Variants in NMT1 observed in about 807,000 individuals in gnomAD.
NMT1 encodes N-myristoyltransferase 1.
Under a neutral mutation model 63.4 loss-of-function variants are expected in NMT1, and 12 were observed. The observed-to-expected ratio is 0.19, with a 90% CI of 0.12 to 0.31. The LOEUF (loss-of-function observed/expected upper bound fraction) is 0.31, where lower values mean the gene tolerates loss of function less well. Among genes scored for constraint, NMT1 ranks in the 10% least tolerant of loss-of-function variants. NMT1 has a pLI of 1.00. For missense variants in NMT1, 432 were observed against 634.6 expected (o/e 0.68, Z 3.43); for synonymous variants, 228 against 234.3 (o/e 0.97, Z 0.25).
intron 2 of NMT1, 66 bp downstream of exon 2, chr17:45,081,818 T>C (rs2054018921): frequency 1.6e-6 from 2 of 1,226,390 alleles, no homozygotes; most frequent in Non-Finnish European, 2.3e-6. Flanking sequence ...TTGAGGTGAA[T>C]GTATAGGATC....
rs1178137038 is a variant in NMT1 at position 45,093,810 on chromosome 17, G to A, written c.504+7G>A. 6.2e-7 allele frequency: 1 copy of A among 1,611,182 alleles called. No individual in the cohort carries two copies. The highest frequency in any genetic ancestry group is 1.7e-5 in the Admixed American group (1 of 60,012). The stretch of plus-strand genomic sequence containing the variant: ...CCTGGGCGATCGTGGTGTGGTGAGT[G>A]GGCCCTCAGAAGGTTACACCTGCGG... On this transcript the variant is annotated splice_region_variant and intron_variant, in intron 4 of 11. Coordinates refer to ENST00000258960, the MANE Select transcript of NMT1 (RefSeq NM_021079.5).
At chr17:45,080,403 G>A (rs866175897) in intron 1 of NMT1, among the ~76,000 whole-genome samples, 2 of 149,986 alleles carry the variant, frequency 1.3e-5, no homozygotes, top group Non-Finnish European at 2.9e-5. Context: ...CAGGTGATCC[G>A]CCTGCCTTGG....
At position 45,061,534 on chromosome 17, in the gene NMT1, C is replaced by G. The variant is rs939101065; in HGVS notation, c.131+74C>G. ...GGTCTCTGGGGTGCGGGGAAGTCAC[C>G]GGGAGCTTAGTCTAGCCCCACCCTC... On this transcript the variant is annotated intron_variant, in intron 1 of 11. Coordinates refer to ENST00000258960, the MANE Select transcript of NMT1 (RefSeq NM_021079.5). 6 of 1,405,724 alleles carry G rather than the reference C, an allele frequency of 4.3e-6. No homozygotes were observed. In the Admixed American group the frequency reaches 6.2e-5, roughly 15 times the overall value. 87.1% of individuals were successfully genotyped at this position (1,405,724 alleles called of 1,614,324 possible).
intron 1 of NMT1, among the ~76,000 whole-genome samples, chr17:45,073,164 C>T (rs1246266277): frequency 5.9e-5 from 9 of 151,934 alleles, no homozygotes; most frequent in African/African-American, 1.9e-4. Flanking sequence ...GGCTCACACC[C>T]GTAATCCCAG....
intron 8 of NMT1, among the ~76,000 whole-genome samples, chr17:45,101,617 C>CA (rs748973404): frequency 0.21 from 11,054 of 52,292 alleles, 804 homozygotes; most frequent in African/African-American, 0.26. Context: ...GACTCCGTCG[C>CA]AAAAAAAAAA....
chr17:45,091,320 C>G (rs1375976559), intron 3 of NMT1, among the ~76,000 whole-genome samples: 1 of 151,758 alleles, frequency 6.6e-6, no homozygotes, highest in Non-Finnish European at 1.5e-5. Context: ...TCTTTGGTGT[C>G]CATGATGGTG....
chr17:45,069,267 TTTTTTA>T (rs1453660008), intron 1 of NMT1, among the ~76,000 whole-genome samples: 1 of 137,010 alleles, frequency 7.3e-6, no homozygotes, highest in Non-Finnish European at 1.6e-5. Flanking sequence ...CCAGACTTTA[TTTTTTA>T]TTATTTATTT....
chr17:45,093,860 C>T, intron 4 of NMT1, 57 bp downstream of exon 4: 2 of 1,372,458 alleles, frequency 1.5e-6, no homozygotes, highest in South Asian at 2.3e-5. Context: ...CACAGTAAGC[C>T]CTGCAGTCTC....
intron 4 of NMT1, among the ~76,000 whole-genome samples, chr17:45,095,976 G>T (rs935167850): frequency 2.6e-5 from 4 of 152,096 alleles, no homozygotes; most frequent in African/African-American, 4.8e-5. Context: ...TGGCATTCTC[G>T]GTCTGCCACT....
chr17:45,079,449 A>G (rs569956077), intron 1 of NMT1, among the ~76,000 whole-genome samples: 50 of 152,140 alleles, frequency 3.3e-4, no homozygotes, highest in African/African-American at 1.1e-3. Context: ...GGTGGCTCAC[A>G]CCTGTAATCC....
rs755738171 is a variant in NMT1, at chr17:45,081,767, CT to C, written c.240+16del. 2.6e-6 allele frequency: 4 copies of C among 1,533,998 alleles called. No homozygotes were observed. In the African/African-American group the frequency reaches 5.6e-5, roughly 21 times the overall value. On this transcript the variant is annotated intron_variant, in intron 2 of 11. Coordinates refer to ENST00000258960, the MANE Select transcript of NMT1 (RefSeq NM_021079.5). ...AGCCTGTGAAGGTAACAAGGAGGTT[CT>C]GTTTTTTGTGACTCAGTCACTTTTT...
intron 1 of NMT1, among the ~76,000 whole-genome samples, chr17:45,062,448 G>C (rs1427078463): frequency 6.6e-6 from 1 of 152,212 alleles, no homozygotes; most frequent in Non-Finnish European, 1.5e-5. Context: ...GTCTGAGGTA[G>C]TCTGATTTTC....
intron 1 of NMT1, among the ~76,000 whole-genome samples, chr17:45,075,741 G>T (rs2053973385): frequency 6.6e-6 from 1 of 152,050 alleles, no homozygotes; most frequent in Admixed American, 6.6e-5. Flanking sequence ...CTGCACTCCA[G>T]GCTGGCAACA....
Position 45,107,233 on chromosome 17 carries a change from C to T in NMT1, c.*1594C>T, listed in dbSNP as rs889384859. The stretch of plus-strand genomic sequence containing the variant: ...TGGTGTGGTTTGTCAGAGGCTAATT[C>T]TGCAGAGTTTCCAAAACCAGAAGAC... On this transcript the variant is annotated 3_prime_UTR_variant, in exon 12 of 12. Transcript: ENST00000258960. 7.8e-4 allele frequency: 118 copies of T among 152,230 alleles called. No homozygotes were observed. The highest frequency in any genetic ancestry group is 1.6e-3 in the Non-Finnish European group (106 of 68,050). 9.4% of individuals were successfully genotyped at this position (152,230 alleles called of 1,614,324 possible). A position where few individuals can be genotyped will look rare whatever the true frequency, so the allele number is the denominator to read the frequency against.
At chr17:45,064,159 T>G (rs1011219283) in intron 1 of NMT1, among the ~76,000 whole-genome samples, 2 of 152,184 alleles carry the variant, frequency 1.3e-5, no homozygotes, top group African/African-American at 4.8e-5. Context: ...CACACCAGCT[T>G]GGCAACGGAG....
At position 45,061,639 on chromosome 17, in the gene NMT1, T is replaced by C. The variant is rs1214044147; in HGVS notation, c.131+179T>C. 1.7e-5 allele frequency: 10 copies of C among 587,762 alleles called. No individual in the cohort carries two copies. In the Admixed American group the frequency reaches 3.1e-4, roughly 18 times the overall value. 36.4% of individuals were successfully genotyped at this position (587,762 alleles called of 1,614,324 possible). A position where few individuals can be genotyped will look rare whatever the true frequency, so the allele number is the denominator to read the frequency against. Reference sequence around the variant, plus strand: ...TGTCATTTACCAAGGGTGGGTGCTCTGGATATTAAGGGCCGGAGACGTTCA... The same window carrying C: ...TGTCATTTACCAAGGGTGGGTGCTCCGGATATTAAGGGCCGGAGACGTTCA... On this transcript the variant is annotated intron_variant, in intron 1 of 11. Coordinates refer to ENST00000258960, the MANE Select transcript of NMT1 (RefSeq NM_021079.5).
At chr17:45,091,756 G>A (rs1230541161) in intron 3 of NMT1, among the ~76,000 whole-genome samples, 2 of 152,160 alleles carry the variant, frequency 1.3e-5, no homozygotes, top group Non-Finnish European at 1.5e-5. Context: ...GCTGGGCGCC[G>A]TGGCTCATGC....
rs1475574238 is a variant in NMT1, at chr17:45,103,343, A to G, written c.1164+222A>G. Among the ~76,000 whole-genome samples, 2 of 152,276 alleles carry G rather than the reference A, an allele frequency of 1.3e-5. No individual in the cohort carries two copies. Among genetic ancestry groups the G allele is most frequent in the Non-Finnish European group, 2.9e-5 (2 of 68,020 alleles). On this transcript the variant is annotated intron_variant, in intron 9 of 11. Coordinates refer to ENST00000258960, the MANE Select transcript of NMT1 (RefSeq NM_021079.5). This position sits in a 1 kb window ranked among gnomAD's most constrained non-coding sequence, Gnocchi z 4.8. The stretch of plus-strand genomic sequence containing the variant: ...CCCTCTGCCCCACTTTGATAACACA[A>G]AATAGAGAGAACTGAGCCCCGCTTA...
At chr17:45,084,398 A>G (rs1254652104) in intron 2 of NMT1, among the ~76,000 whole-genome samples, 1 of 146,720 alleles carries the variant, frequency 6.8e-6, no homozygotes, top group Non-Finnish European at 1.5e-5. Context: ...GCAGTGGCGC[A>G]GTCTTGGCTC....
Sources: allele counts gnomAD v4.1 joint callset (sites outside exome capture counted in the v4.1 genomes callset), GRCh38; gene constraint gnomAD v4.1.1; non-coding constraint Gnocchi (gnomAD v3.1); transcripts MANE v1.5; gene names NCBI Gene and HGNC (gene_info 2026-07-23, HGNC 2026-07-21).